POLR2B: variants seen among roughly 807,000 people sequenced by gnomAD.
POLR2B encodes DNA-directed RNA polymerase II subunit RPB2.
A neutral mutation model predicts 144.6 loss-of-function variants in POLR2B; 57 were observed. The ratio of observed to expected loss-of-function variants is 0.39; its 90% CI spans 0.32 to 0.49. The LOEUF is 0.49. POLR2B is among the 20% of genes least tolerant of loss of function. The probability of loss-of-function intolerance (pLI) is 0.83; values close to 1 mark genes in which losing one functional copy is unlikely to be tolerated. For synonymous variants in POLR2B, 442 were observed against 469.8 expected, an observed-to-expected ratio of 0.94 and a Z score of 0.77; for missense variants, 595 against 1,467.4, an observed-to-expected ratio of 0.41 and a Z score of 9.71.
At position 56,994,854 on chromosome 4, in the gene POLR2B, TG is replaced by T; in HGVS notation, c.566del (p.Gly189AspfsTer6). 1 of 1,578,022 alleles carries T rather than the reference TG, an allele frequency of 6.3e-7. No individual in the cohort carries two copies. The highest frequency in any genetic ancestry group is 8.7e-7 in the Non-Finnish European group (1 of 1,149,478). On this transcript the variant is annotated frameshift_variant, in exon 5 of 25. Coordinates refer to ENST00000314595, the MANE Select transcript of POLR2B (RefSeq NM_000938.3). LOFTEE classifies it high-confidence loss of function. Reference protein sequence around the residue: ...LDPGGYFIINGSEKVLIAQEK... With the variant: ...LDPGGYFIINXSEKVLIAQEK... ...ATCCTGGTGGCTATTTCATTATTAATGGATCAGAAAAGGTATAGTAACATTA... is the reference window on the plus strand; with the variant it reads ...ATCCTGGTGGCTATTTCATTATTAATGATCAGAAAAGGTATAGTAACATTA...
intron 6 of POLR2B, among the ~76,000 whole-genome samples, chr4:56,996,654 A>T (rs1218504587): frequency 6.6e-6 from 1 of 152,096 alleles, no homozygotes; most frequent in Non-Finnish European, 1.5e-5. Context: ...TACAATGTGT[A>T]ATGATCAAAT....
At chr4:56,980,959 C>T (rs115468215) in intron 1 of POLR2B, among the ~76,000 whole-genome samples, 5 of 151,888 alleles carry the variant, frequency 3.3e-5, no homozygotes, top group African/African-American at 1.2e-4. Flanking sequence ...CGTACACCAC[C>T]GTGCCCAGCT....
rs1185160605 is a variant in POLR2B, at chr4:56,999,216, T to C, written c.736-401T>C. Among the ~76,000 whole-genome samples, 206 of 101,288 alleles carry C rather than the reference T, an allele frequency of 2.0e-3. 3 individuals carry two copies. In the South Asian group the frequency reaches 0.029, roughly 14 times the overall value. The allele number at this position is 101,288 out of a possible 152,430, so 66.4% of individuals were successfully genotyped here. A position where few individuals can be genotyped will look rare whatever the true frequency, so the allele number is the denominator to read the frequency against. On this transcript the variant is annotated intron_variant, in intron 6 of 24. Coordinates refer to ENST00000314595, the MANE Select transcript of POLR2B (RefSeq NM_000938.3). ...ATTTGTCTATCTGTATTGTCTCTTT[T>C]TTTTTTTTTTTTTACCTCTCTTCTA...
At chr4:57,013,453 A>C (rs1458398362) in intron 13 of POLR2B, among the ~76,000 whole-genome samples, 3 of 151,698 alleles carry the variant, frequency 2.0e-5, no homozygotes, top group Non-Finnish European at 4.4e-5. Flanking sequence ...TATGTTGCCC[A>C]GTTGGTCTTG....
Position 57,007,002 on chromosome 4 carries a change from G to A in POLR2B, c.1404G>A (p.Gln468=), listed in dbSNP as rs1723038985. The change falls in exon 10 of 25, where the codon CAG becomes CAA. Residue 468 remains glutamine, a splice_region_variant and synonymous_variant. Transcript: ENST00000314595. ...KAHQARAGVS[Q]VLNRLTFAST... is the part of the protein sequence containing the mutation. Reference sequence around the variant, plus strand: ...ATCAAGCCAGAGCTGGAGTATCTCAGGTAAGTGTGCCAACTATGACTACAG... The same window carrying A: ...ATCAAGCCAGAGCTGGAGTATCTCAAGTAAGTGTGCCAACTATGACTACAG... 6.2e-7 allele frequency: 1 copy of A among 1,608,492 alleles called. No individual in the cohort carries two copies. The highest frequency in any genetic ancestry group is 8.5e-7 in the Non-Finnish European group (1 of 1,175,900).
chr4:57,019,614 A>C (rs2109707481), intron 16 of POLR2B, among the ~76,000 whole-genome samples: 1 of 152,326 alleles, frequency 6.6e-6, no homozygotes, highest in South Asian at 2.1e-4. Flanking sequence ...GCAGGCATGA[A>C]GCCATATCAT....
chr4:56,985,854 A>G (rs897595252), intron 1 of POLR2B, among the ~76,000 whole-genome samples: 1 of 152,186 alleles, frequency 6.6e-6, no homozygotes, highest in African/African-American at 2.4e-5. Context: ...ATTCAAGGAG[A>G]GGGTGCATAG....
intron 3 of POLR2B, among the ~76,000 whole-genome samples, chr4:56,992,380 G>T (rs1240861757): frequency 7.8e-6 from 1 of 128,874 alleles, no homozygotes; most frequent in African/African-American, 2.9e-5. Flanking sequence ...CAGGAGAATT[G>T]CTTGAACGTG....
rs149755864 is a variant in POLR2B, at chr4:57,000,025, T to A, written c.900+244T>A. Reference sequence around the variant, plus strand: ...TTAATGACAGCAGCAAGAAGAAACATTGGTAAGGAAGCTCGCAGAAGCACA... The same window carrying A: ...TTAATGACAGCAGCAAGAAGAAACAATGGTAAGGAAGCTCGCAGAAGCACA... On this transcript the variant is annotated intron_variant, in intron 7 of 24. Coordinates refer to ENST00000314595, the MANE Select transcript of POLR2B (RefSeq NM_000938.3). Among the ~76,000 whole-genome samples, 933 of 152,198 alleles carry A rather than the reference T, an allele frequency of 6.1e-3. 5 individuals are homozygous for A. Among genetic ancestry groups the A allele is most frequent in the Non-Finnish European group, 0.01 (694 of 68,006 alleles).
At chr4:56,992,464 C>CCA (rs1722544386) in intron 3 of POLR2B, among the ~76,000 whole-genome samples, 1 of 17,140 alleles carries the variant, frequency 5.8e-5, no homozygotes, top group Admixed American at 1.3e-3. Flanking sequence ...GACTCTGTCT[C>CCA]AAAAAAAAAA....
chr4:56,993,832 A>G (rs976915877), intron 3 of POLR2B, among the ~76,000 whole-genome samples: 2 of 152,220 alleles, frequency 1.3e-5, no homozygotes, highest in Non-Finnish European at 2.9e-5. Context: ...TTTATTTTTT[A>G]AAATGTTCTA....
chr4:56,982,572 A>G (rs549234168), intron 1 of POLR2B, among the ~76,000 whole-genome samples: 2 of 152,198 alleles, frequency 1.3e-5, no homozygotes, highest in Non-Finnish European at 2.9e-5. Context: ...CCCTGTCTCA[A>G]AAAACAAAAA....
At position 57,023,263 on chromosome 4, in the gene POLR2B, G is replaced by T; in HGVS notation, c.2516-67G>T. 1 of 1,534,568 alleles carries T rather than the reference G, an allele frequency of 6.5e-7. No homozygotes were observed. The highest frequency in any genetic ancestry group is 1.2e-5 in the South Asian group (1 of 84,680). ...GTGGCCTTCTCTCTGACTTGGAACT[G>T]ATTCATGTATGTGGTTTTTAATCTT... On this transcript the variant is annotated intron_variant, in intron 18 of 24. Coordinates refer to ENST00000314595, the MANE Select transcript of POLR2B (RefSeq NM_000938.3). The surrounding 1 kb of genome is among the most constrained non-coding windows in gnomAD (Gnocchi z 4.3).
chr4:56,991,916 C>G (rs1722518750), intron 3 of POLR2B, among the ~76,000 whole-genome samples: 1 of 152,078 alleles, frequency 6.6e-6, no homozygotes, highest in Admixed American at 6.6e-5. Flanking sequence ...CTTCAGCCTC[C>G]CAGAGTGCTG....
At chr4:57,011,436 G>A (rs1452093963) in intron 13 of POLR2B, among the ~76,000 whole-genome samples, 2 of 152,180 alleles carry the variant, frequency 1.3e-5, no homozygotes, top group African/African-American at 4.8e-5. Context: ...GCTGAGACAG[G>A]AGAATCACTT....
At chr4:57,002,076 G>A (rs1046877731) in intron 7 of POLR2B, among the ~76,000 whole-genome samples, 2 of 152,150 alleles carry the variant, frequency 1.3e-5, no homozygotes, top group African/African-American at 4.8e-5. Context: ...CACCCAGGCT[G>A]GAGTGCAGTG....
chr4:57,023,459 G>A lies in POLR2B; in HGVS notation c.2645G>A (p.Ser882Asn). ...TLPENEDELESTNRRYTKRDC... is the reference protein window; with the variant it reads ...TLPENEDELENTNRRYTKRDC... Reference sequence around the variant, plus strand: ...CCTGAAAATGAAGATGAATTGGAGAGCACCAATAGACGCTATACCAAGAGA... The same window carrying A: ...CCTGAAAATGAAGATGAATTGGAGAACACCAATAGACGCTATACCAAGAGA... The change falls in exon 19 of 25, where the codon AGC becomes AAC. Residue 882 changes from serine (S) to asparagine (N), a missense_variant. Coordinates refer to ENST00000314595, the MANE Select transcript of POLR2B (RefSeq NM_000938.3). The surrounding 1 kb of genome is among the most constrained non-coding windows in gnomAD (Gnocchi z 4.3). 1 of 1,614,026 alleles carries A rather than the reference G, an allele frequency of 6.2e-7. No homozygotes were observed. The highest frequency in any genetic ancestry group is 8.5e-7 in the Non-Finnish European group (1 of 1,179,952).
chr4:56,999,576 C>A, intron 6 of POLR2B, 41 bp from the exon 7 acceptor site: 1 of 1,369,020 alleles, frequency 7.3e-7, no homozygotes, highest in Non-Finnish European at 1.0e-6. Flanking sequence ...TTGCTGTGAG[C>A]TTTTGTATAT....
intron 23 of POLR2B, 103 bp from the exon 24 acceptor site, chr4:57,030,101 A>G: frequency 1.1e-6 from 1 of 895,868 alleles, no homozygotes; most frequent in Non-Finnish European, 1.8e-6. Context: ...ATTAGAGCCT[A>G]GTTATCCGTC....
Sources: allele counts gnomAD v4.1 joint callset (sites outside exome capture counted in the v4.1 genomes callset), GRCh38; gene constraint gnomAD v4.1.1; non-coding constraint Gnocchi (gnomAD v3.1); transcripts MANE v1.5; gene names NCBI Gene and HGNC (gene_info 2026-07-23, HGNC 2026-07-21).